Variants in FKBP15 observed in about 807,000 individuals in gnomAD.
The protein encoded by FKBP15 is FKBP prolyl isomerase family member 15, also known as FK506-binding protein 15.
Under a neutral mutation model 158.1 loss-of-function variants are expected in FKBP15, and 106 were observed. The observed-to-expected ratio is 0.67, with a 90% confidence interval of 0.57 to 0.79. FKBP15 has a LOEUF of 0.79. Among genes scored for constraint, FKBP15 ranks in the 30% least tolerant of loss-of-function variants. The pLI is 0.00. For missense variants in FKBP15, 1,287 were observed against 1,479.1 expected (o/e 0.87, Z 2.13); for synonymous variants, 547 against 548.6 (o/e 1.00, Z 0.04).
In FKBP15 at chr9:113,169,479, T is replaced by A; in HGVS notation, c.3230A>T (p.Lys1077Met). 1 of 1,614,044 alleles carries A rather than the reference T, an allele frequency of 6.2e-7. No homozygotes were observed. Among genetic ancestry groups the A allele is most frequent in the Non-Finnish European group, 8.5e-7 (1 of 1,179,898 alleles). Residue 1077 changes from lysine (K) to methionine (M), a missense_variant, in exon 26 of 28, where the codon AAG (lysine) becomes ATG (methionine). Lys to Met is a moderately conservative substitution (Grantham distance 95). Coordinates refer to ENST00000238256, the MANE Select transcript of FKBP15 (RefSeq NM_015258.2). ...TGGTGCTACTTCCCTGACACAGACCTTTCCTGATGGGTTGTCGGGCTTAGC... is the reference window on the plus strand; with the variant it reads ...TGGTGCTACTTCCCTGACACAGACCATTCCTGATGGGTTGTCGGGCTTAGC... ...MAAKPDNPSG[K>M]VCVREVAPDG...
chr9:113,186,454 G>A (rs1830488143), intron 14 of FKBP15, 91 bp from the exon 15 acceptor site: 2 of 937,322 alleles, frequency 2.1e-6, no homozygotes, highest in Non-Finnish European at 3.3e-6. Context: ...AAGTGGATGA[G>A]CTGGGAGGAG....
chr9:113,211,497 C>T lies in FKBP15; in HGVS notation c.149G>A (p.Gly50Asp). Residue 50 changes from glycine (G) to aspartate (D), a missense_variant, in exon 2 of 28, where the codon GGC (glycine) becomes GAC (aspartate). Gly to Asp is a moderately conservative substitution (Grantham distance 94). Coordinates refer to ENST00000238256, the MANE Select transcript of FKBP15 (RefSeq NM_015258.2). ...QYTAPKQPKK[G>D]QGTAATGNQA... ...CTTACCTGTTGCTGCCGTTCCCTGG[C>T]CTTTCTTAGGCTGTTTTGGGGCTGT... 1 of 1,608,226 alleles carries T rather than the reference C, an allele frequency of 6.2e-7. No homozygotes were observed. Among genetic ancestry groups the T allele is most frequent in the Non-Finnish European group, 8.5e-7 (1 of 1,177,458 alleles).
In FKBP15 at chr9:113,182,904, A is replaced by C. The variant is rs374663451; in HGVS notation, c.1812-36T>G. The C allele has an allele frequency of 1.8e-5, 28 of 1,552,744 alleles. No homozygotes were observed. In the South Asian group the frequency reaches 2.6e-4, roughly 14 times the overall value. The stretch of plus-strand genomic sequence containing the variant: ...AATAGAGAAAAAGAAAACATTTATC[A>C]AGCACTGAGTGTATGGCAGGCACAA... On this transcript the variant is annotated intron_variant, in intron 18 of 27. Coordinates refer to ENST00000238256, the MANE Select transcript of FKBP15 (RefSeq NM_015258.2).
At chr9:113,216,529 A>C (rs1564193772) in intron 1 of FKBP15, among the ~76,000 whole-genome samples, 1 of 152,214 alleles carries the variant, frequency 6.6e-6, no homozygotes, top group Non-Finnish European at 1.5e-5. Flanking sequence ...TGCTTATGGA[A>C]TTTAGAAGAC....
intron 1 of FKBP15, among the ~76,000 whole-genome samples, chr9:113,216,183 T>C (rs1831130911): frequency 7.0e-6 from 1 of 143,542 alleles, no homozygotes; most frequent in Non-Finnish European, 1.5e-5. Flanking sequence ...GCTCAGTAAA[T>C]GAATTCAAAG....
intron 14 of FKBP15, 87 bp downstream of exon 14, chr9:113,187,706 T>G: frequency 9.3e-7 from 1 of 1,071,250 alleles, no homozygotes. Context: ...GAACTGCTAC[T>G]GTATGAAATG....
At position 113,169,579 on chromosome 9, in the gene FKBP15, T is replaced by C. The variant is rs569646070; in HGVS notation, c.3130A>G (p.Ile1044Val). The C allele has an allele frequency of 2.5e-6, 4 of 1,614,040 alleles. No homozygotes were observed. The South Asian group carries it at 4.4e-5, about 18-fold the overall frequency. Residue 1044 changes from isoleucine to valine, a missense_variant, in exon 26 of 28, where the codon ATT becomes GTT. Ile to Val is a conservative substitution (Grantham distance 29). Coordinates refer to ENST00000238256, the MANE Select transcript of FKBP15 (RefSeq NM_015258.2). ...SHRVLGPPTS[I>V]PPEPLGPVSM... Reference sequence around the variant, plus strand: ...ACAGGGCCTAGGGGCTCAGGTGGAATTGAAGTCGGGGGCCCTAGAACTCTG... The same window carrying C: ...ACAGGGCCTAGGGGCTCAGGTGGAACTGAAGTCGGGGGCCCTAGAACTCTG...
At chr9:113,166,437 C>T (rs1353356859) in intron 27 of FKBP15, among the ~76,000 whole-genome samples, 1 of 152,196 alleles carries the variant, frequency 6.6e-6, no homozygotes, top group African/African-American at 2.4e-5. Flanking sequence ...GACAGATTTT[C>T]CTCTCATGCA....
chr9:113,169,953 G>A lies in FKBP15; in HGVS notation c.2767-11C>T. 2 of 1,528,118 alleles carry A rather than the reference G, an allele frequency of 1.3e-6. No individual in the cohort carries two copies. The highest frequency in any genetic ancestry group is 1.8e-6 in the Non-Finnish European group (2 of 1,140,174). 94.7% of individuals were successfully genotyped at this position (1,528,118 alleles called of 1,614,324 possible). ...CTGAAGAGTCACCATCTATTCAAAA[G>A]CCAAGGAAGAGATGGTCACTGAAAG... On this transcript the variant is annotated splice_polypyrimidine_tract_variant and intron_variant, in intron 25 of 27. Coordinates refer to ENST00000238256, the MANE Select transcript of FKBP15 (RefSeq NM_015258.2).
intron 11 of FKBP15, among the ~76,000 whole-genome samples, chr9:113,191,422 G>A (rs527643814): frequency 2.4e-4 from 36 of 151,802 alleles, no homozygotes; most frequent in Non-Finnish European, 5.0e-4. Flanking sequence ...TTTGCTTACA[G>A]GGATTGGTGG....
chr9:113,161,632 C>A lies in FKBP15; in HGVS notation c.*4446G>T, dbSNP rs752519594. 6.2e-7 allele frequency: 1 copy of A among 1,614,034 alleles called. No individual in the cohort carries two copies. Among genetic ancestry groups the A allele is most frequent in the South Asian group, 1.1e-5 (1 of 91,086 alleles). On this transcript the variant is annotated 3_prime_UTR_variant, in exon 28 of 28. Transcript: ENST00000238256. Reference sequence around the variant, plus strand: ...CTGCCAACCTCCATCAGCCAGCAGACCATCGCAGAGACAGACGGGGACTCT... The same window carrying A: ...CTGCCAACCTCCATCAGCCAGCAGAACATCGCAGAGACAGACGGGGACTCT...
chr9:113,193,474 C>G lies in FKBP15; in HGVS notation c.1065+18G>C. 1 of 1,577,004 alleles carries G rather than the reference C, an allele frequency of 6.3e-7. No homozygotes were observed. The highest frequency in any genetic ancestry group is 8.6e-7 in the Non-Finnish European group (1 of 1,159,714). On this transcript the variant is annotated intron_variant, in intron 11 of 27. Coordinates refer to ENST00000238256, the MANE Select transcript of FKBP15 (RefSeq NM_015258.2). ...ACAGGTGTGAACCACCATGCCTGGC[C>G]AAGACTCTTATACTTACTGTATTTA...
rs973134968 is a variant in FKBP15, at chr9:113,168,526, A to G, written c.3516T>C (p.Phe1172=). The G allele has an allele frequency of 4.3e-6, 7 of 1,613,830 alleles. No individual in the cohort carries two copies. The African/African-American group carries it at 5.3e-5, about 12-fold the overall frequency. The change falls in exon 27 of 28, where the codon TTT becomes TTC. Residue 1172 remains phenylalanine (F), a synonymous_variant. Coordinates refer to ENST00000238256, the MANE Select transcript of FKBP15 (RefSeq NM_015258.2). The part of the protein sequence containing the change: ...SLSGDEEDEL[F]KGATLKALRP... The stretch of plus-strand genomic sequence containing the variant: ...TCAGAGCTTTCAGAGTTGCCCCTTT[A>G]AACAGTTCATCCTCTTCATCCCCAG...
At chr9:113,202,711 G>T in intron 5 of FKBP15, 82 bp from the exon 6 acceptor site, 1 of 1,131,800 alleles carries the variant, frequency 8.8e-7, no homozygotes, top group Non-Finnish European at 1.3e-6. Context: ...ATAGAGTAGG[G>T]TCTTGACTCA....
At chr9:113,209,247 A>C (rs1830955655) in intron 2 of FKBP15, among the ~76,000 whole-genome samples, 1 of 152,196 alleles carries the variant, frequency 6.6e-6, no homozygotes, top group Admixed American at 6.5e-5. Context: ...TAGCCACTAC[A>C]TTCCAGCCTG....
At position 113,186,479 on chromosome 9, in the gene FKBP15, A is replaced by C. The variant is rs963971295; in HGVS notation, c.1384-116T>G. 2.4e-5 allele frequency: 18 copies of C among 740,228 alleles called. No individual in the cohort carries two copies. The African/African-American group carries it at 2.8e-4, about 11-fold the overall frequency. The allele number at this position is 740,228 out of a possible 1,614,324, so 45.9% of individuals were successfully genotyped here. A position where few individuals can be genotyped will look rare whatever the true frequency, so the allele number is the denominator to read the frequency against. On this transcript the variant is annotated intron_variant, in intron 14 of 27. Transcript: ENST00000238256. ...GCTGGGAGGAGACTCAAACTTACTG[A>C]AGCTAGAGATGGGTGAGATCTGGGT...
Position 113,207,279 on chromosome 9 carries a change from T to C in FKBP15, c.187A>G (p.Lys63Glu). ...TAATGNQATP[K>E]TAPATMSTPT... ...GTGCTCATGGTGGCTGGTGCTGTTT[T>C]TGGTGTTGCCTGATTTCCTGAAGAT... is the stretch of plus-strand genomic sequence containing the variant. Residue 63 changes from lysine (K) to glutamate (E), a missense_variant, in exon 3 of 28, where the codon AAA becomes GAA. By Grantham distance (56) the Lys-to-Glu change is moderately conservative. Transcript: ENST00000238256. 1 of 1,611,986 alleles carries C rather than the reference T, an allele frequency of 6.2e-7. No individual in the cohort carries two copies. The highest frequency in any genetic ancestry group is 8.5e-7 in the Non-Finnish European group (1 of 1,179,268).
chr9:113,201,503 G>C (rs1335421715), intron 6 of FKBP15, among the ~76,000 whole-genome samples: 1 of 152,278 alleles, frequency 6.6e-6, no homozygotes, highest in South Asian at 2.1e-4. Flanking sequence ...GACAGTATTA[G>C]GAGGTGGGGC....
At chr9:113,175,735 G>A (rs1250204591) in intron 21 of FKBP15, among the ~76,000 whole-genome samples, 1 of 152,168 alleles carries the variant, frequency 6.6e-6, no homozygotes, top group African/African-American at 2.4e-5. Context: ...GGACACTAAA[G>A]AGAGAATGTA....
Sources: allele counts gnomAD v4.1 joint callset (sites outside exome capture counted in the v4.1 genomes callset), GRCh38; gene constraint gnomAD v4.1.1; transcripts MANE v1.5; gene names NCBI Gene and HGNC (gene_info 2026-07-23, HGNC 2026-07-21).